PLEKHD1: variants seen among roughly 807,000 people sequenced by gnomAD.
PLEKHD1 encodes pleckstrin homology and coiled-coil domain containing D1, also known as pleckstrin homology domain-containing family D member 1.
A neutral mutation model predicts 69.2 loss-of-function variants in PLEKHD1; 51 were observed. The ratio of observed to expected loss-of-function variants is 0.74; its 90% confidence interval spans 0.59 to 0.93. PLEKHD1 has a LOEUF of 0.93. Ranked by LOEUF, PLEKHD1 falls within the 40% of genes least tolerant of loss-of-function variation. PLEKHD1 has a pLI of 0.00. For synonymous variants in PLEKHD1, 236 were observed against 244.7 expected, an observed-to-expected ratio of 0.96 and a Z score of 0.33; for missense variants, 584 against 641.0, an observed-to-expected ratio of 0.91 and a Z score of 0.96.
At chr14:69,470,990 A>T in the PLEKHD1 span, among the ~76,000 whole-genome samples, 105 of 138,442 alleles carry the variant, frequency 7.6e-4, no homozygotes, top group Non-Finnish European at 2.4e-4. Flanking sequence ...GCGGGGTTTC[A>T]CCGTTTTAGC....
upstream of PLEKHD1, among the ~76,000 whole-genome samples, chr14:69,482,564 C>T (rs1320336675): frequency 6.6e-6 from 1 of 152,206 alleles, no homozygotes; most frequent in Non-Finnish European, 1.5e-5. Context: ...CTCCCCATGA[C>T]TGCTGTGGTA....
chr14:69,490,119 C>T (rs371459033), intron 1 of PLEKHD1, among the ~76,000 whole-genome samples: 6 of 152,178 alleles, frequency 3.9e-5, no homozygotes, highest in African/African-American at 1.2e-4. Context: ...CTGCCCGCCT[C>T]GGCCTCCCAA....
intron 1 of PLEKHD1, among the ~76,000 whole-genome samples, chr14:69,487,414 G>C (rs767916492): frequency 3.3e-5 from 5 of 152,244 alleles, no homozygotes; most frequent in Non-Finnish European, 5.9e-5. Context: ...GAGCAGCTGA[G>C]GGCCGCCACC....
chr14:69,496,780 C>CA lies in PLEKHD1; in HGVS notation c.150-3333dup, dbSNP rs537010864. 1.8e-3 allele frequency among the ~76,000 whole-genome samples: 262 copies of CA among 148,652 alleles called. 7 individuals carry two copies. The highest frequency in any genetic ancestry group is 0.016 in the Admixed American group (241 of 14,842). Reference sequence around the variant, plus strand: ...CAGGCTGGTCTTGAACTCCTGGGCTCAAGTAATCCCCCTGCTTCAGCCTTC... The same window carrying CA: ...CAGGCTGGTCTTGAACTCCTGGGCTCAAAGTAATCCCCCTGCTTCAGCCTTC... On this transcript the variant is annotated intron_variant, in intron 1 of 12. Coordinates refer to ENST00000322564, the MANE Select transcript of PLEKHD1 (RefSeq NM_001161498.2).
intron 1 of PLEKHD1, among the ~76,000 whole-genome samples, chr14:69,489,251 G>A (rs78532462): frequency 0.044 from 6,662 of 152,218 alleles, 214 homozygotes; most frequent in South Asian, 0.11. Flanking sequence ...GCTTCTGAGA[G>A]CAGCTGTGGG....
intron 6 of PLEKHD1, 184 bp downstream of exon 6, chr14:69,503,063 G>A (rs1367431781): frequency 1.5e-6 from 1 of 657,318 alleles, no homozygotes; most frequent in African/African-American, 1.8e-5. Context: ...TTGGTAAGAA[G>A]TGTCTTTCTC....
Position 69,527,187 on chromosome 14 carries a change from G to A in PLEKHD1, c.1057-1G>A. ...TCTCATTTCCCTCTCCTCAACCTCAGGCTGAGGTGAAGGTCCGCATGGACC... is the reference window on the plus strand; with the variant it reads ...TCTCATTTCCCTCTCCTCAACCTCAAGCTGAGGTGAAGGTCCGCATGGACC... On this transcript the variant is annotated splice_acceptor_variant, in intron 10 of 12. Transcript: ENST00000322564. LOFTEE classifies it high-confidence loss of function. The A allele has an allele frequency of 6.5e-7, 1 of 1,542,388 alleles. No homozygotes were observed. The highest frequency in any genetic ancestry group is 8.7e-7 in the Non-Finnish European group (1 of 1,143,206).
At chr14:69,515,706 C>G (rs374383374) in intron 6 of PLEKHD1, among the ~76,000 whole-genome samples, 1 of 152,030 alleles carries the variant, frequency 6.6e-6, no homozygotes, top group Non-Finnish European at 1.5e-5. Context: ...AGCATGGGCG[C>G]GGGGAAGTGC....
At chr14:69,471,554 C>A in the PLEKHD1 span, among the ~76,000 whole-genome samples, 1 of 152,118 alleles carries the variant, frequency 6.6e-6, no homozygotes, top group Non-Finnish European at 1.5e-5. Context: ...GAGAGTAGCT[C>A]TGGAGTCTAG....
intron 1 of PLEKHD1, among the ~76,000 whole-genome samples, chr14:69,488,177 C>T (rs1026563125): frequency 9.9e-5 from 15 of 152,182 alleles, no homozygotes; most frequent in Non-Finnish European, 2.1e-4. Context: ...GCCATGGAGA[C>T]AGTGGCCATG....
the PLEKHD1 span, among the ~76,000 whole-genome samples, chr14:69,475,635 C>A: frequency 1.3e-5 from 2 of 152,172 alleles, no homozygotes; most frequent in Non-Finnish European, 2.9e-5. Flanking sequence ...AAGCGGGGGC[C>A]TGCTTATGTG....
intron 6 of PLEKHD1, among the ~76,000 whole-genome samples, chr14:69,509,375 A>T (rs543422611): frequency 6.6e-6 from 1 of 152,320 alleles, no homozygotes; most frequent in South Asian, 2.1e-4. Context: ...CCATCTTATC[A>T]ATTACTTCCT....
intron 6 of PLEKHD1, among the ~76,000 whole-genome samples, chr14:69,521,397 T>C (rs997783486): frequency 3.3e-5 from 5 of 152,260 alleles, no homozygotes; most frequent in Non-Finnish European, 5.9e-5. Context: ...CTTCTCCATA[T>C]AGACAGCCTC....
intron 6 of PLEKHD1, among the ~76,000 whole-genome samples, chr14:69,509,756 G>A (rs1727559913): frequency 6.6e-6 from 1 of 152,064 alleles, no homozygotes. Flanking sequence ...TAGCCAACAT[G>A]GTGAAACCCT....
At chr14:69,516,043 A>G (rs1883377748) in intron 6 of PLEKHD1, among the ~76,000 whole-genome samples, 2 of 152,172 alleles carry the variant, frequency 1.3e-5, no homozygotes, top group East Asian at 1.9e-4. Context: ...GGGTCTCACT[A>G]TGTTGCCCAG....
At chr14:69,518,109 G>A (rs1451863581) in intron 6 of PLEKHD1, among the ~76,000 whole-genome samples, 6 of 152,132 alleles carry the variant, frequency 3.9e-5, no homozygotes, top group Admixed American at 3.9e-4. Flanking sequence ...TCGGCTCACT[G>A]CAACCTCTGT....
chr14:69,521,141 A>G (rs553785911), intron 6 of PLEKHD1, among the ~76,000 whole-genome samples: 1 of 152,302 alleles, frequency 6.6e-6, no homozygotes, highest in Non-Finnish European at 1.5e-5. Flanking sequence ...ATCTATAAAC[A>G]TAATAATATT....
At chr14:69,511,228 G>C (rs1441065705) in intron 6 of PLEKHD1, among the ~76,000 whole-genome samples, 1 of 152,152 alleles carries the variant, frequency 6.6e-6, no homozygotes, top group Admixed American at 6.6e-5. Flanking sequence ...GTGTGATCTT[G>C]GCTAACTGTT....
chr14:69,494,756 G>A (rs1264117275), intron 1 of PLEKHD1, among the ~76,000 whole-genome samples: 1 of 152,200 alleles, frequency 6.6e-6, no homozygotes, highest in East Asian at 1.9e-4. Flanking sequence ...TTGGAATAGG[G>A]TGGGAAGAGG....
Sources: gnomAD v4.1 joint callset for allele counts (sites outside exome capture counted in the v4.1 genomes callset) on GRCh38, gnomAD v4.1.1 for gene constraint, MANE v1.5 for transcripts, NCBI Gene and HGNC (gene_info 2026-07-23, HGNC 2026-07-21) for gene names.